Variants in SHMT1 observed in about 807,000 individuals in gnomAD.
SHMT1 encodes serine hydroxymethyltransferase, cytosolic.
Under a neutral mutation model 49.0 loss-of-function variants are expected in SHMT1, and 45 were observed. The observed-to-expected ratio is 0.92, with a 90% CI of 0.72 to 1.18. SHMT1 has a LOEUF of 1.18. Ranked by LOEUF, SHMT1 falls within the 50% of genes most tolerant of loss-of-function variation. SHMT1 has a pLI of 0.00. For missense variants in SHMT1, 541 were observed against 612.4 expected (o/e 0.88, Z 1.23); for synonymous variants, 232 against 246.6 (o/e 0.94, Z 0.55).
chr17:18,347,287 T>A (rs1053248400), intron 5 of SHMT1, among the ~76,000 whole-genome samples: 8 of 152,212 alleles, frequency 5.3e-5, no homozygotes, highest in Non-Finnish European at 7.3e-5. Flanking sequence ...CTGGTTTCCC[T>A]GTGGCCTCAG....
rs1211191640 is a variant in SHMT1, at chr17:18,336,290, GA to G, written c.815-616del. 3.4e-5 allele frequency among the ~76,000 whole-genome samples: 5 copies of G among 147,942 alleles called. No individual in the cohort carries two copies. In the South Asian group the frequency reaches 8.6e-4, roughly 25 times the overall value. On this transcript the variant is annotated intron_variant, in intron 7 of 11. Transcript: ENST00000316694. ...ACATTCTGTCTCAAAAAGAAAAAAA[GA>G]AAAAAAAAGGACAGAAATTTCCCTC...
intron 3 of SHMT1, among the ~76,000 whole-genome samples, chr17:18,353,255 C>G (rs955439514): frequency 3.3e-5 from 5 of 152,212 alleles, no homozygotes; most frequent in Non-Finnish European, 7.3e-5. Context: ...ATTTATAATG[C>G]AGAAACGGTT....
intron 1 of SHMT1, among the ~76,000 whole-genome samples, chr17:18,359,896 A>C (rs1986596850): frequency 6.6e-6 from 1 of 151,604 alleles, no homozygotes; most frequent in South Asian, 2.1e-4. Context: ...TAGTGAGCAG[A>C]GATCACACCA....
rs1983428119 is a variant in SHMT1, at chr17:18,333,254, CAG to C, written c.964_965del (p.Leu322GlyfsTer3). On this transcript the variant is annotated frameshift_variant, in exon 9 of 12. Transcript: ENST00000316694. LOFTEE classifies it high-confidence loss of function. ...CCTGGTGTTGATAAACTTTAAATTC[CAG>C]AGTCATAGCTTGCTTCAGTGCCACA... ...VAVALKQAMTLEFKVYQHQVV... is the reference protein window; with the variant it reads ...VAVALKQAMTXEFKVYQHQVV... The C allele has an allele frequency of 6.2e-7, 1 of 1,613,728 alleles. No individual in the cohort carries two copies. Among genetic ancestry groups the C allele is most frequent in the African/African-American group, 1.3e-5 (1 of 75,036 alleles).
Position 18,329,389 on chromosome 17 carries a change from C to G in SHMT1, c.1172-1G>C, listed in dbSNP as rs1299911982. ...CTGGGCCGCAGAGCGCTTCTGTCAC[C>G]TACAAGATAAACGGGGCTCTGTCCC... On this transcript the variant is annotated splice_acceptor_variant, in intron 10 of 11. Transcript: ENST00000316694. LOFTEE classifies it high-confidence loss of function. 6.2e-7 allele frequency: 1 copy of G among 1,610,168 alleles called. No individual in the cohort carries two copies. The highest frequency in any genetic ancestry group is 8.5e-7 in the Non-Finnish European group (1 of 1,178,330).
rs1426551400 is a variant in SHMT1, at chr17:18,328,649, A to G, written c.*101T>C. On this transcript the variant is annotated 3_prime_UTR_variant, in exon 12 of 12. Coordinates refer to ENST00000316694, the MANE Select transcript of SHMT1 (RefSeq NM_004169.5). ...ACCCCCTCAAAGGGCCCGAGTGTCA[A>G]CAGTTCCCCTTTGGAGCAGCTCATC... 1.1e-5 allele frequency: 14 copies of G among 1,332,124 alleles called. No homozygotes were observed. The highest frequency in any genetic ancestry group is 2.9e-5 in the African/African-American group (2 of 68,794). The allele number at this position is 1,332,124 out of a possible 1,614,324, so 82.5% of individuals were successfully genotyped here. A position where few individuals can be genotyped will look rare whatever the true frequency, so the allele number is the denominator to read the frequency against.
At chr17:18,347,082 T>C (rs1356947064) in intron 5 of SHMT1, among the ~76,000 whole-genome samples, 1 of 152,202 alleles carries the variant, frequency 6.6e-6, no homozygotes, top group Non-Finnish European at 1.5e-5. Context: ...CTGTAGCTAC[T>C]GCATCCTTGT....
chr17:18,358,021 G>A (rs1248868218), intron 1 of SHMT1, among the ~76,000 whole-genome samples: 1 of 150,452 alleles, frequency 6.6e-6, no homozygotes, highest in Non-Finnish European at 1.5e-5. Context: ...CCACCACCAT[G>A]CCTGGCTAAT....
At chr17:18,351,034 A>G (rs1985639142) in intron 3 of SHMT1, among the ~76,000 whole-genome samples, 1 of 152,114 alleles carries the variant, frequency 6.6e-6, no homozygotes. Flanking sequence ...CGCCTTGCCT[A>G]TTGTTTTCAA....
chr17:18,350,200 G>A (rs1358135308), intron 3 of SHMT1, among the ~76,000 whole-genome samples: 1 of 151,416 alleles, frequency 6.6e-6, no homozygotes, highest in East Asian at 1.9e-4. Flanking sequence ...GTGTGGTGGC[G>A]GGCGCCTGTA....
chr17:18,347,663 C>T lies in SHMT1; in HGVS notation c.359-7G>A, dbSNP rs781145540. The stretch of plus-strand genomic sequence containing the variant: ...GCAAAGTTTGCAGGGGAGCCTGAAA[C>T]GAGTGGACCAGAGGAGACATGATTA... On this transcript the variant is annotated splice_region_variant and splice_polypyrimidine_tract_variant and intron_variant, in intron 4 of 11. Coordinates refer to ENST00000316694, the MANE Select transcript of SHMT1 (RefSeq NM_004169.5). 31 of 1,613,972 alleles carry T rather than the reference C, an allele frequency of 1.9e-5. No homozygotes were observed. Among genetic ancestry groups the T allele is most frequent in the South Asian group, 1.1e-4 (10 of 91,082 alleles).
chr17:18,351,583 C>G (rs1985709520), intron 3 of SHMT1, among the ~76,000 whole-genome samples: 1 of 151,816 alleles, frequency 6.6e-6, no homozygotes. Flanking sequence ...ACGGTGAAAC[C>G]CCGTCTCTAC....
rs909260915 is a variant in SHMT1 at position 18,348,321 on chromosome 17, G to C, written c.358+4C>G. 4.4e-6 allele frequency: 7 copies of C among 1,592,340 alleles called. No individual in the cohort carries two copies. Among genetic ancestry groups the C allele is most frequent in the Non-Finnish European group, 6.0e-6 (7 of 1,160,382 alleles). On this transcript the variant is annotated splice_donor_region_variant and intron_variant, in intron 4 of 11. Transcript: ENST00000316694. The stretch of plus-strand genomic sequence containing the variant: ...GCACCAGGCCATATGGATGAGACAA[G>C]CACCTGAGTAGGGCTGGACGTTGAC...
At chr17:18,349,186 G>A (rs1449259558) in intron 3 of SHMT1, among the ~76,000 whole-genome samples, 2 of 152,032 alleles carry the variant, frequency 1.3e-5, no homozygotes, top group Non-Finnish European at 2.9e-5. Context: ...TTGGGAGGCC[G>A]AGGTGGGCAG....
At chr17:18,329,209 G>C in intron 11 of SHMT1, 69 bp downstream of exon 11, 2 of 1,161,862 alleles carry the variant, frequency 1.7e-6, no homozygotes, top group Non-Finnish European at 2.6e-6. Flanking sequence ...CAGGGTCTCA[G>C]CTACTCATCA....
At position 18,340,718 on chromosome 17, in the gene SHMT1, G is replaced by A. The variant is rs1453966081; in HGVS notation, c.601+14C>T. 14 of 1,606,468 alleles carry A rather than the reference G, an allele frequency of 8.7e-6. No homozygotes were observed. The highest frequency in any genetic ancestry group is 4.5e-5 in the South Asian group (4 of 89,272). On this transcript the variant is annotated intron_variant, in intron 6 of 11. Coordinates refer to ENST00000316694, the MANE Select transcript of SHMT1 (RefSeq NM_004169.5). The surrounding 1 kb of genome is among the most constrained non-coding windows in gnomAD (Gnocchi z 4.5). ...CTACTGGTGAACAAGGTGACTTTCC[G>A]CCCCGCGCATCACCTGCGATGATCA...
intron 7 of SHMT1, among the ~76,000 whole-genome samples, chr17:18,339,722 G>A (rs896407264): frequency 3.9e-5 from 6 of 152,086 alleles, no homozygotes; most frequent in Admixed American, 2.0e-4. Context: ...CACCACACTC[G>A]GCTAATTTTT....
At position 18,330,653 on chromosome 17, in the gene SHMT1, A is replaced by G; in HGVS notation, c.1073T>C (p.Leu358Ser). ...KIVTGGSDNH[L>S]ILVDLRSKGT... ...TTTGGAACGGAGATCCACAAGGATC[A>G]AATGGTTGTCAGAACCACCTGGAAA... The change falls in exon 10 of 12, where the codon TTG becomes TCG. Residue 358 changes from leucine (L) to serine (S), a missense_variant. Physicochemically the swap from Leu to Ser is moderately radical, Grantham distance 145 (BLOSUM62 -2). Transcript: ENST00000316694. The G allele has an allele frequency of 6.2e-7, 1 of 1,613,916 alleles. No homozygotes were observed. Among genetic ancestry groups the G allele is most frequent in the Non-Finnish European group, 8.5e-7 (1 of 1,179,752 alleles).
chr17:18,349,111 A>T (rs1229934782), intron 3 of SHMT1, among the ~76,000 whole-genome samples: 1 of 152,150 alleles, frequency 6.6e-6, no homozygotes, highest in Non-Finnish European at 1.5e-5. Flanking sequence ...TTCAACTTTT[A>T]TGAGGTCCCT....
Sources: gnomAD v4.1 joint callset for allele counts (sites outside exome capture counted in the v4.1 genomes callset) on GRCh38, gnomAD v4.1.1 for gene constraint, Gnocchi (gnomAD v3.1) non-coding constraint, MANE v1.5 for transcripts, NCBI Gene and HGNC (gene_info 2026-07-23, HGNC 2026-07-21) for gene names.